The following ORC2 variants were observed in gnomAD, a reference collection of about 807,000 sequenced individuals.
ORC2 encodes the protein origin recognition complex subunit 2.
Under a neutral mutation model 77.7 loss-of-function variants are expected in ORC2, and 37 were observed. The ratio of observed to expected loss-of-function variants is 0.48; its 90% CI spans 0.37 to 0.63. ORC2 has a LOEUF of 0.63. Among genes scored for constraint, ORC2 ranks in the 20% least tolerant of loss-of-function variants. ORC2 has a pLI of 0.00. For missense variants in ORC2, 557 were observed against 661.9 expected (o/e 0.84, Z 1.74); for synonymous variants, 201 against 229.5 (o/e 0.88, Z 1.12).
At chr2:200,943,580 A>C (rs1414099016) in intron 5 of ORC2, among the ~76,000 whole-genome samples, 1 of 152,218 alleles carries the variant, frequency 6.6e-6, no homozygotes, top group African/African-American at 2.4e-5. Flanking sequence ...AAGGGCACAT[A>C]CCAAATTAAC....
At chr2:200,947,009 T>A in intron 5 of ORC2, among the ~76,000 whole-genome samples, 1 of 152,084 alleles carries the variant, frequency 6.6e-6, no homozygotes, top group East Asian at 1.9e-4. Context: ...TTCAAGTGAT[T>A]CTCCTGCCTC....
intron 11 of ORC2, among the ~76,000 whole-genome samples, chr2:200,930,289 A>G (rs918949207): frequency 6.6e-6 from 1 of 152,222 alleles, no homozygotes. Flanking sequence ...GAATTCAGAG[A>G]GCTAGCAATT....
intron 5 of ORC2, among the ~76,000 whole-genome samples, chr2:200,946,214 T>C (rs2041247781): frequency 6.6e-6 from 1 of 152,084 alleles, no homozygotes; most frequent in Non-Finnish European, 1.5e-5. Context: ...GGTCTCAAAC[T>C]CCTGGGCTTA....
Position 200,925,952 on chromosome 2 carries a change from G to T in ORC2, c.1051-20C>A. ...CAGGACCTATATCATGAATGTGGAAGAGGTACCACATTAATTACAATTTAT... is the reference window on the plus strand; with the variant it reads ...CAGGACCTATATCATGAATGTGGAATAGGTACCACATTAATTACAATTTAT... On this transcript the variant is annotated intron_variant, in intron 12 of 17. Transcript: ENST00000234296. 9.3e-7 allele frequency: 1 copy of T among 1,079,696 alleles called. No homozygotes were observed. Among genetic ancestry groups the T allele is most frequent in the Non-Finnish European group, 1.4e-6 (1 of 714,796 alleles). 66.9% of individuals were successfully genotyped at this position (1,079,696 alleles called of 1,614,324 possible).
At chr2:200,933,739 A>G (rs370978954) in intron 10 of ORC2, 137 bp downstream of exon 10, 318 of 525,984 alleles carry the variant, frequency 6.0e-4, no homozygotes, top group Admixed American at 9.1e-4. Flanking sequence ...AAAAGAAGTA[A>G]TAATCACATT....
chr2:200,937,297 G>T (rs1410300832), intron 8 of ORC2, among the ~76,000 whole-genome samples: 1 of 152,094 alleles, frequency 6.6e-6, no homozygotes, highest in Admixed American at 6.6e-5. Context: ...ATCTTTTACT[G>T]CTTTAATATA....
intron 5 of ORC2, among the ~76,000 whole-genome samples, chr2:200,947,994 C>T (rs1248591280): frequency 2.0e-5 from 3 of 151,918 alleles, no homozygotes; most frequent in Admixed American, 6.5e-5. Flanking sequence ...CTGCAAGCTC[C>T]GCCTCCCGGG....
chr2:200,961,812 A>G (rs1420580704), intron 1 of ORC2, among the ~76,000 whole-genome samples: 2 of 152,360 alleles, frequency 1.3e-5, no homozygotes, highest in African/African-American at 2.4e-5. Context: ...AAATCACACA[A>G]TGAATTTTTG....
At chr2:200,932,943 CTA>C (rs2040968625) in intron 10 of ORC2, among the ~76,000 whole-genome samples, 2 of 152,172 alleles carry the variant, frequency 1.3e-5, no homozygotes, top group African/African-American at 2.4e-5. Flanking sequence ...GTTAGCTATG[CTA>C]TGTTTACGCC....
chr2:200,937,207 AAAC>A (rs2041063935), intron 8 of ORC2, among the ~76,000 whole-genome samples: 1 of 152,212 alleles, frequency 6.6e-6, no homozygotes, highest in Non-Finnish European at 1.5e-5. Context: ...TCTCTCTAAA[AAAC>A]AACCCATATT....
intron 4 of ORC2, among the ~76,000 whole-genome samples, chr2:200,956,936 C>T (rs1197486677): frequency 6.6e-6 from 1 of 152,138 alleles, no homozygotes; most frequent in African/African-American, 2.4e-5. Flanking sequence ...ACTGCATATT[C>T]TCACTCATAG....
chr2:200,944,539 A>T (rs1003486388), intron 5 of ORC2, among the ~76,000 whole-genome samples: 2 of 151,852 alleles, frequency 1.3e-5, no homozygotes, highest in Non-Finnish European at 2.9e-5. Context: ...ATGACTCAAC[A>T]TGTCTAATAA....
intron 9 of ORC2, among the ~76,000 whole-genome samples, chr2:200,935,105 T>C (rs1263181384): frequency 6.6e-6 from 1 of 152,198 alleles, no homozygotes; most frequent in Non-Finnish European, 1.5e-5. Context: ...TTTATTCTAA[T>C]CCCATAGCTT....
chr2:200,918,119 A>G (rs74845909), intron 15 of ORC2, among the ~76,000 whole-genome samples: 2 of 152,198 alleles, frequency 1.3e-5, no homozygotes, highest in African/African-American at 2.4e-5. Flanking sequence ...ACATCTGTTC[A>G]GTTCAGCATT....
At position 200,909,227 on chromosome 2, in the gene ORC2, T is replaced by C. The variant is rs187763190; in HGVS notation, c.*2074A>G. 2 of 152,314 alleles carry C rather than the reference T, an allele frequency of 1.3e-5. No homozygotes were observed. The highest frequency in any genetic ancestry group is 1.5e-5 in the Non-Finnish European group (1 of 68,024). 9.4% of individuals were successfully genotyped at this position (152,314 alleles called of 1,614,324 possible). Reference sequence around the variant, plus strand: ...GGAGAAAGACAGATACTTTTACATATGCATAGACGATATCTGGAAGAATAC... The same window carrying C: ...GGAGAAAGACAGATACTTTTACATACGCATAGACGATATCTGGAAGAATAC... On this transcript the variant is annotated 3_prime_UTR_variant, in exon 18 of 18. Transcript: ENST00000234296.
chr2:200,960,391 T>C (rs2041551423), intron 1 of ORC2, among the ~76,000 whole-genome samples: 1 of 152,198 alleles, frequency 6.6e-6, no homozygotes, highest in Non-Finnish European at 1.5e-5. Flanking sequence ...ACTTCATCTA[T>C]AACTTATGAC....
intron 11 of ORC2, 121 bp from the exon 12 acceptor site, chr2:200,927,021 G>T: frequency 9.9e-7 from 1 of 1,007,678 alleles, no homozygotes; most frequent in Non-Finnish European, 1.5e-6. Flanking sequence ...AGGCGCACTG[G>T]CTCAAGCCTG....
At chr2:200,916,067 T>C (rs1272743439) in intron 15 of ORC2, among the ~76,000 whole-genome samples, 1 of 152,150 alleles carries the variant, frequency 6.6e-6, no homozygotes, top group African/African-American at 2.4e-5. Context: ...TTTTATTCAA[T>C]CACATACCAA....
At chr2:200,954,179 C>T (rs1287495343) in intron 4 of ORC2, among the ~76,000 whole-genome samples, 1 of 151,832 alleles carries the variant, frequency 6.6e-6, no homozygotes, top group Non-Finnish European at 1.5e-5. Flanking sequence ...ATTACAGGCA[C>T]CCACCACCAC....
Sources: allele counts gnomAD v4.1 joint callset (sites outside exome capture counted in the v4.1 genomes callset), GRCh38; gene constraint gnomAD v4.1.1; transcripts MANE v1.5; gene names NCBI Gene and HGNC (gene_info 2026-07-23, HGNC 2026-07-21).